The following LDB2 variants were observed in gnomAD, a reference collection of about 807,000 sequenced individuals.
LDB2 encodes the protein LIM domain-binding protein 2.
LDB2 carries 12 observed loss-of-function variants against 44.3 expected under a neutral mutation model. The ratio of observed to expected loss-of-function variants is 0.27; its 90% confidence interval spans 0.17 to 0.44. LDB2 has a LOEUF of 0.44. LDB2 is among the 20% of genes least tolerant of loss of function. The probability of loss-of-function intolerance (pLI) is 1.00; values close to 1 mark genes in which losing one functional copy is unlikely to be tolerated. For missense variants in LDB2, 344 were observed against 473.5 expected (o/e 0.73, Z 2.54); for synonymous variants, 164 against 174.8 (o/e 0.94, Z 0.49).
chr4:16,741,051 A>G (rs1394423725), intron 2 of LDB2, among the ~76,000 whole-genome samples: 2 of 152,198 alleles, frequency 1.3e-5, no homozygotes, highest in African/African-American at 4.8e-5. Flanking sequence ...TAATTTGATA[A>G]TTGAGTGTAG....
chr4:16,546,386 G>C (rs1735749764), intron 5 of LDB2, among the ~76,000 whole-genome samples: 1 of 152,268 alleles, frequency 6.6e-6, no homozygotes, highest in Non-Finnish European at 1.5e-5. Flanking sequence ...AAGTCAAAAT[G>C]TTGTCATTTA....
intron 2 of LDB2, among the ~76,000 whole-genome samples, chr4:16,642,134 C>T (rs539769312): frequency 3.3e-5 from 5 of 152,262 alleles, no homozygotes; most frequent in African/African-American, 7.2e-5. Context: ...AACTTGGTCT[C>T]ATCTCCCAGA....
chr4:16,712,738 C>G lies in LDB2; in HGVS notation c.235+46420G>C, dbSNP rs79511550. On this transcript the variant is annotated intron_variant, in intron 2 of 7. Transcript: ENST00000304523. ...TGGAGTGAATGTGGAGAAAGTGGAACCCTCATACATTGCTAGTGGGAATGT... is the reference window on the plus strand; with the variant it reads ...TGGAGTGAATGTGGAGAAAGTGGAAGCCTCATACATTGCTAGTGGGAATGT... Among the ~76,000 whole-genome samples, 89 of 152,194 alleles carry G rather than the reference C, an allele frequency of 5.8e-4. 2 individuals are homozygous for G. The East Asian group carries it at 0.012, about 20-fold the overall frequency.
At chr4:16,696,958 T>C (rs1033810971) in intron 2 of LDB2, among the ~76,000 whole-genome samples, 7 of 152,200 alleles carry the variant, frequency 4.6e-5, no homozygotes, top group East Asian at 1.9e-4. Context: ...CCAGATCCAA[T>C]GCTCACTTCT....
At chr4:16,646,892 C>G (rs1167553006) in intron 2 of LDB2, among the ~76,000 whole-genome samples, 1 of 152,206 alleles carries the variant, frequency 6.6e-6, no homozygotes, top group Non-Finnish European at 1.5e-5. Flanking sequence ...GGAAAACAGT[C>G]TGATGGTCCC....
intron 5 of LDB2, among the ~76,000 whole-genome samples, chr4:16,566,167 A>C (rs962651391): frequency 6.6e-6 from 1 of 152,134 alleles, no homozygotes; most frequent in Non-Finnish European, 1.5e-5. Flanking sequence ...TTTATGTTCA[A>C]ATTAGATAAT....
intron 1 of LDB2, among the ~76,000 whole-genome samples, chr4:16,827,654 T>C (rs1277664126): frequency 6.6e-6 from 1 of 152,096 alleles, no homozygotes; most frequent in African/African-American, 2.4e-5. Context: ...TCAAGAAAAT[T>C]CTCTTGTCTA....
chr4:16,893,109 AAG>A, intron 1 of LDB2: 1 of 963,968 alleles, frequency 1.0e-6, no homozygotes, highest in Non-Finnish European at 1.2e-6. Context: ...CCTGAAAAAT[AAG>A]AGAGTTTGGA....
intron 5 of LDB2, among the ~76,000 whole-genome samples, chr4:16,544,343 G>A (rs1734949805): frequency 1.3e-5 from 2 of 152,216 alleles, no homozygotes; most frequent in African/African-American, 2.4e-5. Flanking sequence ...AGCTGGCTTG[G>A]GGGAGTGATG....
chr4:16,825,405 A>C (rs1301389995), intron 1 of LDB2, among the ~76,000 whole-genome samples: 1 of 152,312 alleles, frequency 6.6e-6, no homozygotes, highest in East Asian at 1.9e-4. Flanking sequence ...TTCTGAGTGC[A>C]TTGAATCCCC....
intron 3 of LDB2, among the ~76,000 whole-genome samples, chr4:16,590,089 G>T (rs1481409465): frequency 1.3e-5 from 2 of 152,148 alleles, no homozygotes; most frequent in African/African-American, 4.8e-5. Context: ...ACCAGTAATG[G>T]TCATCATGTG....
chr4:16,651,524 C>A (rs541497159), intron 2 of LDB2, among the ~76,000 whole-genome samples: 6 of 151,870 alleles, frequency 4.0e-5, no homozygotes, highest in African/African-American at 1.5e-4. Context: ...AACACAGGAA[C>A]GGCTAGACTG....
intron 5 of LDB2, among the ~76,000 whole-genome samples, chr4:16,556,465 T>C (rs971053883): frequency 6.6e-6 from 1 of 152,244 alleles, no homozygotes; most frequent in Non-Finnish European, 1.5e-5. Flanking sequence ...GACTGCTTTG[T>C]GCATTATCAA....
intron 1 of LDB2, among the ~76,000 whole-genome samples, chr4:16,799,907 C>T (rs541288301): frequency 6.6e-6 from 1 of 152,266 alleles, no homozygotes; most frequent in South Asian, 2.1e-4. Flanking sequence ...ATTCCAATTT[C>T]CCCAGGCATC....
intron 2 of LDB2, among the ~76,000 whole-genome samples, chr4:16,744,846 T>C (rs1764068389): frequency 6.6e-6 from 1 of 152,234 alleles, no homozygotes; most frequent in Admixed American, 6.5e-5. Context: ...CTAGCTGGGT[T>C]GCCTTGAGCA....
At chr4:16,597,804 G>T (rs564969938) in intron 2 of LDB2, among the ~76,000 whole-genome samples, 2 of 152,278 alleles carry the variant, frequency 1.3e-5, no homozygotes, top group East Asian at 3.9e-4. Flanking sequence ...TATAAGAAAA[G>T]TTGAATGGGA....
intron 2 of LDB2, among the ~76,000 whole-genome samples, chr4:16,609,736 G>A (rs1348316107): frequency 1.3e-5 from 2 of 152,182 alleles, no homozygotes; most frequent in South Asian, 2.1e-4. Flanking sequence ...GGGGAGAGGT[G>A]GCTGCAGTCT....
intron 2 of LDB2, among the ~76,000 whole-genome samples, chr4:16,647,493 T>G (rs1737110843): frequency 6.6e-6 from 1 of 152,198 alleles, no homozygotes; most frequent in Admixed American, 6.5e-5. Context: ...CTGAATAGTG[T>G]GCATAAGAAT....
chr4:16,793,879 T>C (rs1041930982), intron 1 of LDB2, among the ~76,000 whole-genome samples: 2 of 152,106 alleles, frequency 1.3e-5, no homozygotes, highest in Non-Finnish European at 2.9e-5. Context: ...TTTACAGATA[T>C]TGAAACTGAG....
Sources: allele counts gnomAD v4.1 joint callset (sites outside exome capture counted in the v4.1 genomes callset), GRCh38; gene constraint gnomAD v4.1.1; transcripts MANE v1.5; gene names NCBI Gene and HGNC (gene_info 2026-07-23, HGNC 2026-07-21).